The following ABCA13 variants were observed in gnomAD, a reference collection of about 807,000 sequenced individuals.
ABCA13 encodes the protein ATP binding cassette subfamily A member 13, also known as ATP-binding cassette sub-family A member 13.
In ABCA13, 476 loss-of-function variants were observed where a neutral mutation model predicts 478.7. That is an observed-to-expected ratio of 0.99 (90% CI 0.92 to 1.07). The LOEUF is 1.07. Ranked by LOEUF, ABCA13 falls within the 50% of genes least tolerant of loss-of-function variation. ABCA13 has a pLI of 0.00. For synonymous variants in ABCA13, 2,252 were observed against 2,158.9 expected, an observed-to-expected ratio of 1.04 and a Z score of -1.20; for missense variants, 6,060 against 5,910.6, an observed-to-expected ratio of 1.03 and a Z score of -0.83.
At chr7:48,600,117 C>T (rs1164326040) in intron 58 of ABCA13, among the ~76,000 whole-genome samples, 1 of 152,108 alleles carries the variant, frequency 6.6e-6, no homozygotes, top group Non-Finnish European at 1.5e-5. Context: ...GGTGAATATG[C>T]ATTCTTAATT....
chr7:48,246,008 T>C lies in ABCA13; in HGVS notation c.1637T>C (p.Leu546Pro). 1 of 1,613,760 alleles carries C rather than the reference T, an allele frequency of 6.2e-7. No individual in the cohort carries two copies. The highest frequency in any genetic ancestry group is 8.5e-7 in the Non-Finnish European group (1 of 1,179,760). Residue 546 changes from leucine to proline, a missense_variant, in exon 13 of 62, where the codon CTA becomes CCA. This residue lies in a region of ABCA13 where 4,423 missense variants were observed against 4,309.1 expected (regional missense o/e 1.03). Transcript: ENST00000435803. Reference sequence around the variant, plus strand: ...TCTGAGACGAGTGTTTTAAACAAGCTACTTGGTTCAGTAGAGGATGCTGTA... The same window carrying C: ...TCTGAGACGAGTGTTTTAAACAAGCCACTTGGTTCAGTAGAGGATGCTGTA... ...NSSETSVLNKLLGSVEDADRI... is the reference protein window; with the variant it reads ...NSSETSVLNKPLGSVEDADRI...
intron 55 of ABCA13, among the ~76,000 whole-genome samples, chr7:48,528,677 C>G (rs1833035443): frequency 6.6e-6 from 1 of 152,078 alleles, no homozygotes; most frequent in African/African-American, 2.4e-5. Context: ...AGGGGTGGTT[C>G]TTCTTTATTC....
chr7:48,339,853 G>A (rs1347549986), intron 29 of ABCA13, among the ~76,000 whole-genome samples: 1 of 152,166 alleles, frequency 6.6e-6, no homozygotes, highest in Non-Finnish European at 1.5e-5. Flanking sequence ...GTGGGGTCAG[G>A]CATTCACGGG....
chr7:48,449,553 C>T (rs1585372609), intron 42 of ABCA13, among the ~76,000 whole-genome samples: 1 of 152,278 alleles, frequency 6.6e-6, no homozygotes, highest in East Asian at 1.9e-4. Context: ...TTCAGGCATC[C>T]TGATGCTAGA....
At chr7:48,442,638 A>G (rs574535183) in intron 42 of ABCA13, among the ~76,000 whole-genome samples, 1 of 152,362 alleles carries the variant, frequency 6.6e-6, no homozygotes, top group Non-Finnish European at 1.5e-5. Flanking sequence ...TTCCTGAGAA[A>G]TTTAGTGATC....
intron 41 of ABCA13, among the ~76,000 whole-genome samples, chr7:48,420,676 C>T (rs1820620629): frequency 6.6e-6 from 1 of 151,510 alleles, no homozygotes; most frequent in African/African-American, 2.4e-5. Flanking sequence ...ACTCAGCTGC[C>T]CCATCCTACA....
Position 48,295,744 on chromosome 7 carries a change from A to G in ABCA13, c.9000A>G (p.Glu3000=), listed in dbSNP as rs1473028604. The change falls in exon 21 of 62, where the codon GAA becomes GAG. Residue 3000 remains glutamate (E), a synonymous_variant. Coordinates refer to ENST00000435803, the MANE Select transcript of ABCA13 (RefSeq NM_152701.5). The stretch of plus-strand genomic sequence containing the variant: ...CCTCGCCGAATCAGCTAAATTGTGA[A>G]AGTCTTAGCAAGAATCTTTCTAGCA... ...IWSSPNQLNC[E]SLSKNLSSTL... The G allele has an allele frequency of 1.2e-6, 2 of 1,613,998 alleles. No individual in the cohort carries two copies. Among genetic ancestry groups the G allele is most frequent in the South Asian group, 1.1e-5 (1 of 91,070 alleles).
chr7:48,298,616 C>A, intron 23 of ABCA13, 129 bp downstream of exon 23: 2 of 1,088,208 alleles, frequency 1.8e-6, no homozygotes, highest in Non-Finnish European at 2.4e-6. Flanking sequence ...GGTTGCTGCA[C>A]AAATGATATA....
intron 5 of ABCA13, among the ~76,000 whole-genome samples, chr7:48,222,985 G>A (rs1415550021): frequency 6.6e-6 from 1 of 152,194 alleles, no homozygotes; most frequent in Non-Finnish European, 1.5e-5. Flanking sequence ...CGCACAGTTA[G>A]TGAGGGAGGT....
chr7:48,434,817 A>C (rs1265556729), intron 42 of ABCA13, among the ~76,000 whole-genome samples: 1 of 151,912 alleles, frequency 6.6e-6, no homozygotes, highest in Non-Finnish European at 1.5e-5. Context: ...TTGACCATAT[A>C]TGTGAACATT....
At chr7:48,240,221 G>A (rs1409015284) in intron 9 of ABCA13, among the ~76,000 whole-genome samples, 3 of 152,132 alleles carry the variant, frequency 2.0e-5, no homozygotes, top group Non-Finnish European at 4.4e-5. Flanking sequence ...AAAGTCATCC[G>A]GCACTAAAAT....
Position 48,645,624 on chromosome 7 carries a change from G to C in ABCA13, c.*112G>C. 1.2e-6 allele frequency: 1 copy of C among 806,280 alleles called. No individual in the cohort carries two copies. Among genetic ancestry groups the C allele is most frequent in the Admixed American group, 3.0e-5 (1 of 33,218 alleles). The allele number at this position is 806,280 out of a possible 1,614,324, so 49.9% of individuals were successfully genotyped here. On this transcript the variant is annotated 3_prime_UTR_variant, in exon 62 of 62. Transcript: ENST00000435803. The stretch of plus-strand genomic sequence containing the variant: ...GGAGCTGGAACACACTCTCCAGGCC[G>C]TCAAATTATTCTCTTGTTCATTTTC...
rs181723367 is a variant in ABCA13, at chr7:48,563,057, G to A, written c.14355-17167G>A. 3.2e-3 allele frequency among the ~76,000 whole-genome samples: 485 copies of A among 151,660 alleles called. 1 individual carries two copies. The highest frequency in any genetic ancestry group is 0.02 in the Middle Eastern group (6 of 294). Reference sequence around the variant, plus strand: ...GATATTGCTTTAGCATTTGCATTTGGCATGATCATTTAAAATATTTTTAAA... The same window carrying A: ...GATATTGCTTTAGCATTTGCATTTGACATGATCATTTAAAATATTTTTAAA... On this transcript the variant is annotated intron_variant, in intron 55 of 61. Coordinates refer to ENST00000435803, the MANE Select transcript of ABCA13 (RefSeq NM_152701.5).
At chr7:48,633,843 T>A (rs761854898) in intron 59 of ABCA13, among the ~76,000 whole-genome samples, 2 of 152,020 alleles carry the variant, frequency 1.3e-5, no homozygotes, top group African/African-American at 2.4e-5. Flanking sequence ...GAGCCAAGAT[T>A]GCACTGCTGC....
chr7:48,596,021 A>G (rs1244485401), intron 58 of ABCA13, among the ~76,000 whole-genome samples: 1 of 152,238 alleles, frequency 6.6e-6, no homozygotes, highest in African/African-American at 2.4e-5. Context: ...AGAGGACCTC[A>G]GGAGACTTTA....
chr7:48,295,614 G>C (rs1447927417), intron 20 of ABCA13, 86 bp from the exon 21 acceptor site: 2 of 1,528,268 alleles, frequency 1.3e-6, no homozygotes, highest in African/African-American at 2.7e-5. Context: ...ATTGTTCTCT[G>C]TGTTTCCTGA....
intron 8 of ABCA13, among the ~76,000 whole-genome samples, chr7:48,236,163 G>A (rs1789922564): frequency 6.6e-6 from 1 of 152,150 alleles, no homozygotes; most frequent in Admixed American, 6.5e-5. Flanking sequence ...AGGAAAGGGG[G>A]CTTGGGGTTT....
At chr7:48,504,722 A>T (rs1831052960) in intron 48 of ABCA13, among the ~76,000 whole-genome samples, 1 of 152,182 alleles carries the variant, frequency 6.6e-6, no homozygotes, top group African/African-American at 2.4e-5. Context: ...CCACAGCACC[A>T]GTGGTCCACG....
In ABCA13 at chr7:48,313,968, TA is replaced by T. The variant is rs1802151416; in HGVS notation, c.9682-263del. Among the ~76,000 whole-genome samples the T allele has an allele frequency of 8.5e-5, 12 of 141,912 alleles. No homozygotes were observed. The South Asian group carries it at 2.5e-3, about 30-fold the overall frequency. 93.1% of individuals were successfully genotyped at this position (141,912 alleles called of 152,430 possible). A position where few individuals can be genotyped will look rare whatever the true frequency, so the allele number is the denominator to read the frequency against. On this transcript the variant is annotated intron_variant, in intron 25 of 61. Transcript: ENST00000435803. ...TTACTGGACAAATAGTGTAAGGACT[TA>T]TGTGTGTGTGTGTATGTGTGTGTGT...
Sources: allele counts gnomAD v4.1 joint callset (sites outside exome capture counted in the v4.1 genomes callset), GRCh38; gene constraint gnomAD v4.1.1; regional missense constraint gnomAD v4.1.1; transcripts MANE v1.5; gene names NCBI Gene and HGNC (gene_info 2026-07-23, HGNC 2026-07-21).